RIPOR2: variants seen among roughly 807,000 people sequenced by gnomAD.
RIPOR2 encodes rho family-interacting cell polarization regulator 2.
RIPOR2 carries 39 observed loss-of-function variants against 114.5 expected under a neutral mutation model. The ratio of observed to expected loss-of-function variants is 0.34; its 90% confidence interval spans 0.26 to 0.44. RIPOR2 has a LOEUF of 0.44. Ranked by LOEUF, RIPOR2 falls within the 20% of genes least tolerant of loss-of-function variation. The pLI is 1.00. For synonymous variants in RIPOR2, 445 were observed against 484.4 expected (o/e 0.92, Z 1.07); for missense variants, 1,007 against 1,255.1 (o/e 0.80, Z 2.99).
At chr6:24,863,852 A>G (rs1261618380) in intron 7 of RIPOR2, among the ~76,000 whole-genome samples, 1 of 152,236 alleles carries the variant, frequency 6.6e-6, no homozygotes, top group Non-Finnish European at 1.5e-5. Flanking sequence ...ACTAGATCTT[A>G]TAATTTGATG....
chr6:24,945,600 G>A (rs1772365793), intron 1 of RIPOR2, among the ~76,000 whole-genome samples: 1 of 152,130 alleles, frequency 6.6e-6, no homozygotes, highest in South Asian at 2.1e-4. Flanking sequence ...GACAATAACA[G>A]CACAAAGAAG....
chr6:24,848,871 C>T (rs553503584), intron 11 of RIPOR2, among the ~76,000 whole-genome samples: 2 of 152,148 alleles, frequency 1.3e-5, no homozygotes, highest in African/African-American at 2.4e-5. Context: ...GGCAATATAC[C>T]GGGGGCATTA....
At chr6:24,806,552 G>T in intron 21 of RIPOR2, 79 bp from the exon 22 acceptor site, 1 of 1,011,350 alleles carries the variant, frequency 9.9e-7, no homozygotes, top group Non-Finnish European at 1.4e-6. Context: ...AGTGCCATTT[G>T]TTTAGGGATG....
intron 21 of RIPOR2, 50 bp downstream of exon 21, chr6:24,809,667 A>C: frequency 8.2e-7 from 1 of 1,212,802 alleles, no homozygotes; most frequent in Non-Finnish European, 1.2e-6. Flanking sequence ...AACATCCGTT[A>C]GAGAGTGCCA....
intron 21 of RIPOR2, among the ~76,000 whole-genome samples, chr6:24,809,483 G>A (rs1475178056): frequency 6.6e-6 from 1 of 152,332 alleles, no homozygotes; most frequent in South Asian, 2.1e-4. Flanking sequence ...CATATAGAAA[G>A]TCTCCAGACA....
chr6:24,912,454 C>A (rs1267280884), intron 1 of RIPOR2, among the ~76,000 whole-genome samples: 3 of 121,624 alleles, frequency 2.5e-5, no homozygotes, highest in Non-Finnish European at 4.9e-5. Flanking sequence ...TTCCAAGATC[C>A]CTTGCCCCCC....
At chr6:24,919,163 C>A (rs1770301949) in intron 1 of RIPOR2, among the ~76,000 whole-genome samples, 1 of 152,228 alleles carries the variant, frequency 6.6e-6, no homozygotes, top group South Asian at 2.1e-4. Context: ...TCTCTGCTCA[C>A]ATAGAATCCA....
At chr6:24,955,110 G>A (rs1772969961) in intron 1 of RIPOR2, among the ~76,000 whole-genome samples, 1 of 152,112 alleles carries the variant, frequency 6.6e-6, no homozygotes, top group Non-Finnish European at 1.5e-5. Flanking sequence ...AGATATTTTG[G>A]GAGGAGAGTT....
chr6:24,911,797 T>C (rs575738026), intron 1 of RIPOR2, among the ~76,000 whole-genome samples: 1 of 152,244 alleles, frequency 6.6e-6, no homozygotes, highest in East Asian at 1.9e-4. Flanking sequence ...CATCCTTACA[T>C]AGGGATTCCC....
At chr6:24,905,173 T>C (rs1371581014) in intron 1 of RIPOR2, among the ~76,000 whole-genome samples, 1 of 152,192 alleles carries the variant, frequency 6.6e-6, no homozygotes, top group Non-Finnish European at 1.5e-5. Context: ...ACCTAGAGTG[T>C]GTTTCCTTAT....
At chr6:24,957,900 T>A (rs1581873642) in intron 1 of RIPOR2, among the ~76,000 whole-genome samples, 1 of 151,938 alleles carries the variant, frequency 6.6e-6, no homozygotes, top group South Asian at 2.1e-4. Flanking sequence ...CAAAAACAAA[T>A]AAACAATTAC....
intron 1 of RIPOR2, among the ~76,000 whole-genome samples, chr6:24,895,824 A>G (rs1019743597): frequency 6.6e-6 from 1 of 152,060 alleles, no homozygotes; most frequent in African/African-American, 2.4e-5. Context: ...CCCTGTCTCT[A>G]CTAAAAAATA....
At chr6:24,958,872 GC>G (rs1773166553) in intron 1 of RIPOR2, among the ~76,000 whole-genome samples, 1 of 151,796 alleles carries the variant, frequency 6.6e-6, no homozygotes, top group Non-Finnish European at 1.5e-5. Flanking sequence ...TCCCTTCCAT[GC>G]CTCCTCTGTC....
chr6:24,843,164 C>G lies in RIPOR2; in HGVS notation c.1555G>C (p.Ala519Pro). The G allele has an allele frequency of 6.2e-7, 1 of 1,613,990 alleles. No individual in the cohort carries two copies. The highest frequency in any genetic ancestry group is 8.5e-7 in the Non-Finnish European group (1 of 1,179,874). Residue 519 changes from alanine to proline, a missense_variant, in exon 13 of 22, where the codon GCA becomes CCA. Coordinates refer to ENST00000643898, the MANE Select transcript of RIPOR2 (RefSeq NM_001286445.3). ...GCCTCCTCAGACTCTTGCAGAAGTG[C>G]TTCTGCAACATCATTCTCAAGGAAC... is the stretch of plus-strand genomic sequence containing the variant. ...HLFLENDVAE[A>P]LLQESEEASE... is the part of the protein sequence containing the mutation.
intron 1 of RIPOR2, chr6:25,024,211 T>C (rs756961656): frequency 4.0e-6 from 6 of 1,494,392 alleles, no homozygotes; most frequent in Non-Finnish European, 5.6e-6. Flanking sequence ...GCGAGAAAGG[T>C]GCCCAGGAGG....
chr6:24,908,719 C>T (rs1769227605), intron 1 of RIPOR2, among the ~76,000 whole-genome samples: 1 of 152,220 alleles, frequency 6.6e-6, no homozygotes, highest in Non-Finnish European at 1.5e-5. Context: ...ACAAGATCCA[C>T]AGATATAAAT....
intron 1 of RIPOR2, among the ~76,000 whole-genome samples, chr6:24,980,147 A>G (rs1057212864): frequency 6.6e-5 from 10 of 152,218 alleles, no homozygotes; most frequent in South Asian, 2.1e-4. Flanking sequence ...TTTCTCTGCC[A>G]TTCCATAAAC....
chr6:24,828,451 G>T (rs1449301292), intron 17 of RIPOR2, among the ~76,000 whole-genome samples, 156 bp from the exon 18 acceptor site: 1 of 152,138 alleles, frequency 6.6e-6, no homozygotes, highest in African/African-American at 2.4e-5. Context: ...CAGTCCTCCT[G>T]CCTCAGTTTC....
chr6:24,809,459 C>T (rs766764907), intron 21 of RIPOR2, among the ~76,000 whole-genome samples: 11 of 152,326 alleles, frequency 7.2e-5, no homozygotes, highest in Non-Finnish European at 1.3e-4. Context: ...AAATAGTACA[C>T]AGACTGATCA....
Sources: allele counts gnomAD v4.1 joint callset (sites outside exome capture counted in the v4.1 genomes callset), GRCh38; gene constraint gnomAD v4.1.1; transcripts MANE v1.5; gene names NCBI Gene and HGNC (gene_info 2026-07-23, HGNC 2026-07-21).